Variants in MLF1 observed in about 807,000 individuals in gnomAD.
MLF1 encodes the protein myeloid leukemia factor 1.
Under a neutral mutation model 38.3 loss-of-function variants are expected in MLF1, and 37 were observed. That is an observed-to-expected ratio of 0.96 (90% confidence interval 0.74 to 1.27). The LOEUF is 1.27. Among genes scored for constraint, MLF1 ranks in the 50% most tolerant of loss-of-function variants. MLF1 has a pLI of 0.00. For synonymous variants in MLF1, 95 were observed against 106.5 expected (o/e 0.89, Z 0.66); for missense variants, 331 against 349.2 (o/e 0.95, Z 0.42).
At position 158,583,059 on chromosome 3, in the gene MLF1, C is replaced by G. The variant is rs1576653490; in HGVS notation, c.48-9375C>G. ...CTACCTCTTATATTCTTCTCCTTCC[C>G]TTTCCCCCAAGTGTATATCCCGGCC... On this transcript the variant is annotated intron_variant, in intron 1 of 7. Coordinates refer to ENST00000466246, the MANE Select transcript of MLF1 (RefSeq NM_001369783.1). 3 of 511,110 alleles carry G rather than the reference C, an allele frequency of 5.9e-6. No individual in the cohort carries two copies. In the East Asian group the frequency reaches 1.0e-4, roughly 17 times the overall value. 31.7% of individuals were successfully genotyped at this position (511,110 alleles called of 1,614,324 possible).
chr3:158,599,090 C>T (rs1719338776), intron 5 of MLF1, among the ~76,000 whole-genome samples: 1 of 151,622 alleles, frequency 6.6e-6, no homozygotes, highest in Non-Finnish European at 1.5e-5. Flanking sequence ...TACATGTGGC[C>T]CTGGTTTCTT....
chr3:158,581,583 C>T (rs1716372643), intron 1 of MLF1, among the ~76,000 whole-genome samples: 3 of 152,162 alleles, frequency 2.0e-5, no homozygotes, highest in Admixed American at 2.0e-4. Context: ...TTGCCTCCCA[C>T]AACACCTTAC....
intron 5 of MLF1, 102 bp downstream of exon 5, chr3:158,598,310 T>A (rs1312318966): frequency 8.2e-6 from 5 of 612,916 alleles, no homozygotes; most frequent in Non-Finnish European, 9.0e-6. Flanking sequence ...TACAAGATGG[T>A]GGGGGGACAG....
intron 1 of MLF1, among the ~76,000 whole-genome samples, chr3:158,575,924 C>A (rs562631719): frequency 2.0e-5 from 3 of 151,970 alleles, no homozygotes; most frequent in Admixed American, 2.0e-4. Context: ...ACTAATTATT[C>A]AAAAATGGAC....
chr3:158,577,233 A>T (rs1432826526), intron 1 of MLF1, among the ~76,000 whole-genome samples: 1 of 152,236 alleles, frequency 6.6e-6, no homozygotes, highest in Admixed American at 6.5e-5. Context: ...AAGTGAATGT[A>T]TTCTATGTAC....
intron 1 of MLF1, among the ~76,000 whole-genome samples, chr3:158,575,689 C>T (rs1392356232): frequency 1.3e-5 from 2 of 152,064 alleles, no homozygotes; most frequent in African/African-American, 4.8e-5. Flanking sequence ...GTCATAGAGT[C>T]AGTAAATGTT....
intron 2 of MLF1, 46 bp downstream of exon 2, chr3:158,592,627 A>C (rs1718325585): frequency 1.4e-6 from 2 of 1,477,482 alleles, no homozygotes; most frequent in Non-Finnish European, 1.8e-6. Context: ...CCCTGTAGGA[A>C]TTTGAAGAAA....
chr3:158,583,111 G>A (rs1716670612), intron 1 of MLF1, among the ~76,000 whole-genome samples: 1 of 152,094 alleles, frequency 6.6e-6, no homozygotes, highest in African/African-American at 2.4e-5. Flanking sequence ...ATTTCCAGCA[G>A]CAAAATGTTC....
intron 6 of MLF1, 33 bp downstream of exon 6, chr3:158,600,206 T>TA: frequency 7.5e-7 from 1 of 1,326,220 alleles, no homozygotes; most frequent in Non-Finnish European, 9.8e-7. Context: ...TATTCTTTCT[T>TA]ATAAATTTAA....
chr3:158,591,491 T>A (rs1280233240), intron 1 of MLF1, among the ~76,000 whole-genome samples: 1 of 152,116 alleles, frequency 6.6e-6, no homozygotes, highest in Non-Finnish European at 1.5e-5. Flanking sequence ...TCTAGCTTCT[T>A]TATGATGACA....
Position 158,605,193 on chromosome 3 carries a change from C to A in MLF1, c.843C>A (p.Asn281Lys). Residue 281 changes from asparagine (N) to lysine (K), a missense_variant, in exon 8 of 8, where the codon AAC (asparagine) becomes AAA (lysine). Physicochemically the swap from Asn to Lys is moderately conservative, Grantham distance 94. Coordinates refer to ENST00000466246, the MANE Select transcript of MLF1 (RefSeq NM_001369783.1). ...LHIKGSSVKSNKK is the reference protein window; with the variant it reads ...LHIKGSSVKSKKK ...TCAAAGGCTCATCTGTGAAAAGCAA[C>A]AAAAAATAAATAGCCATGCATTTGA... 1 of 1,610,834 alleles carries A rather than the reference C, an allele frequency of 6.2e-7. No homozygotes were observed.
chr3:158,605,039 T>C, intron 7 of MLF1, 58 bp from the exon 8 acceptor site: 1 of 1,239,594 alleles, frequency 8.1e-7, no homozygotes, highest in East Asian at 2.4e-5. Flanking sequence ...TTTGTATTGA[T>C]TTATAAACCA....
intron 1 of MLF1, among the ~76,000 whole-genome samples, chr3:158,579,196 G>A (rs1300129633): frequency 6.6e-6 from 1 of 152,044 alleles, no homozygotes; most frequent in East Asian, 1.9e-4. Flanking sequence ...TTTCAAAAGA[G>A]AACATTATGA....
At chr3:158,593,479 A>G (rs781045367) in intron 3 of MLF1, 53 bp downstream of exon 3, 228 of 1,407,932 alleles carry the variant, frequency 1.6e-4, no homozygotes, top group Non-Finnish European at 2.1e-4. Flanking sequence ...ACAAATATTT[A>G]TTTTTCATTA....
chr3:158,577,416 T>G (rs2108558186), intron 1 of MLF1, among the ~76,000 whole-genome samples: 1 of 152,226 alleles, frequency 6.6e-6, no homozygotes, highest in East Asian at 1.9e-4. Flanking sequence ...TAGTTAATAT[T>G]CTGCCACATA....
intron 1 of MLF1, among the ~76,000 whole-genome samples, chr3:158,575,811 G>C (rs1223385623): frequency 6.6e-6 from 1 of 151,980 alleles, no homozygotes; most frequent in East Asian, 1.9e-4. Flanking sequence ...TGTTGATACT[G>C]GTATTTTCTA....
chr3:158,591,082 C>A, intron 1 of MLF1: 1 of 511,170 alleles, frequency 2.0e-6, no homozygotes, highest in South Asian at 1.4e-5. Flanking sequence ...TCTACTTGGA[C>A]TTATGAGCAG....
chr3:158,599,287 A>G (rs1016535277), intron 5 of MLF1, among the ~76,000 whole-genome samples: 1 of 152,114 alleles, frequency 6.6e-6, no homozygotes, highest in Admixed American at 6.6e-5. Flanking sequence ...AGCGTTTCCA[A>G]GCTACTATCC....
intron 7 of MLF1, among the ~76,000 whole-genome samples, chr3:158,603,327 T>C (rs1015228750): frequency 2.0e-5 from 3 of 152,154 alleles, no homozygotes; most frequent in African/African-American, 7.2e-5. Flanking sequence ...GGAGAGGGGC[T>C]CTATTTGGAA....
Sources: allele counts gnomAD v4.1 joint callset (sites outside exome capture counted in the v4.1 genomes callset), GRCh38; gene constraint gnomAD v4.1.1; transcripts MANE v1.5; gene names NCBI Gene and HGNC (gene_info 2026-07-23, HGNC 2026-07-21).